Variants in TTC7B observed in about 807,000 individuals in gnomAD.
TTC7B encodes the protein tetratricopeptide repeat domain 7B, also known as tetratricopeptide repeat protein 7B.
TTC7B carries 28 observed loss-of-function variants against 106.8 expected under a neutral mutation model. The ratio of observed to expected loss-of-function variants is 0.26; its 90% confidence interval spans 0.19 to 0.36. TTC7B has a LOEUF of 0.36. Ranked by LOEUF, TTC7B falls within the 10% of genes least tolerant of loss-of-function variation. The pLI, the probability that TTC7B is intolerant of heterozygous loss-of-function variation, is 1.00. For synonymous variants in TTC7B, 405 were observed against 430.6 expected, an observed-to-expected ratio of 0.94 and a Z score of 0.74; for missense variants, 862 against 1,076.4, an observed-to-expected ratio of 0.80 and a Z score of 2.79.
At chr14:90,745,048 C>A in intron 3 of TTC7B, 126 bp from the exon 4 acceptor site, 1 of 914,374 alleles carries the variant, frequency 1.1e-6, no homozygotes, top group Non-Finnish European at 1.7e-6. Flanking sequence ...AGACAGTTTA[C>A]TTCCTCCTTT....
rs1047916480 is a variant in TTC7B at position 90,528,556 on chromosome 14, T to A, written c.*12812A>T. 4.6e-5 allele frequency: 7 copies of A among 152,826 alleles called. No individual in the cohort carries two copies. Among genetic ancestry groups the A allele is most frequent in the African/African-American group, 1.7e-4 (7 of 41,428 alleles). 9.5% of individuals were successfully genotyped at this position (152,826 alleles called of 1,614,324 possible). On this transcript the variant is annotated 3_prime_UTR_variant, in exon 20 of 20. Coordinates refer to ENST00000328459, the MANE Select transcript of TTC7B (RefSeq NM_001010854.2). ...ACCCGACTGCACTTTGTTACCTGTTTTGATGGTTGTTTCTGATGGCGTGAC... is the reference window on the plus strand; with the variant it reads ...ACCCGACTGCACTTTGTTACCTGTTATGATGGTTGTTTCTGATGGCGTGAC...
chr14:90,553,528 A>G (rs1208953340), intron 19 of TTC7B, among the ~76,000 whole-genome samples: 2 of 152,122 alleles, frequency 1.3e-5, no homozygotes, highest in Admixed American at 6.5e-5. Context: ...AGCCCACACC[A>G]TGAGAGGACA....
rs558519436 is a variant in TTC7B, at chr14:90,793,833, C to T, written c.122-7505G>A. ...ATGTTGGTCAGGCTGGTCTCGAACT[C>T]CCAACCTCAGGTGATCCGCCCGCCT... is the stretch of plus-strand genomic sequence containing the variant. On this transcript the variant is annotated intron_variant, in intron 1 of 19. Coordinates refer to ENST00000328459, the MANE Select transcript of TTC7B (RefSeq NM_001010854.2). Among the ~76,000 whole-genome samples the T allele has an allele frequency of 2.6e-5, 4 of 151,820 alleles. 1 individual carries two copies. In the East Asian group the frequency reaches 7.9e-4, roughly 30 times the overall value.
At chr14:90,786,079 T>G in intron 2 of TTC7B, 95 bp downstream of exon 2, 3 of 1,376,148 alleles carry the variant, frequency 2.2e-6, no homozygotes, top group Non-Finnish European at 2.9e-6. Context: ...AGTGTGCAGG[T>G]GAGCTCCAAA....
intron 19 of TTC7B, among the ~76,000 whole-genome samples, chr14:90,545,334 C>T (rs1889781976): frequency 6.6e-6 from 1 of 152,230 alleles, no homozygotes; most frequent in Admixed American, 6.5e-5. Flanking sequence ...CATGCTGTGT[C>T]TTCCCTTTCA....
intron 19 of TTC7B, among the ~76,000 whole-genome samples, chr14:90,559,438 C>T (rs1300015279): frequency 6.6e-6 from 1 of 152,180 alleles, no homozygotes; most frequent in Non-Finnish European, 1.5e-5. Flanking sequence ...ACTGGCGGGG[C>T]AGCTCTGGCT....
At chr14:90,546,519 G>C (rs1889837046) in intron 19 of TTC7B, among the ~76,000 whole-genome samples, 3 of 152,142 alleles carry the variant, frequency 2.0e-5, no homozygotes, top group Admixed American at 2.0e-4. Flanking sequence ...CCTCCCAGCT[G>C]CTGTCGGTCA....
intron 17 of TTC7B, among the ~76,000 whole-genome samples, chr14:90,599,759 C>G (rs1334944803): frequency 6.6e-6 from 1 of 152,186 alleles, no homozygotes; most frequent in East Asian, 1.9e-4. Context: ...TTCTGCTGTA[C>G]CTGTTTTCCC....
intron 18 of TTC7B, among the ~76,000 whole-genome samples, chr14:90,588,220 G>A (rs1437890534): frequency 6.6e-6 from 1 of 152,198 alleles, no homozygotes; most frequent in Non-Finnish European, 1.5e-5. Flanking sequence ...CTGGGCAAAG[G>A]CGCCAGGCCA....
intron 19 of TTC7B, among the ~76,000 whole-genome samples, chr14:90,576,024 C>T (rs1891249979): frequency 6.6e-6 from 1 of 152,076 alleles, no homozygotes; most frequent in Non-Finnish European, 1.5e-5. Context: ...CTGCTTGCTC[C>T]TTTCAGAAAG....
Position 90,589,677 on chromosome 14 carries a change from G to A in TTC7B, c.2107+3809C>T, listed in dbSNP as rs185258847. Among the ~76,000 whole-genome samples the A allele has an allele frequency of 2.5e-3, 381 of 152,228 alleles. 1 individual carries two copies. The highest frequency in any genetic ancestry group is 8.7e-3 in the African/African-American group (362 of 41,524). On this transcript the variant is annotated intron_variant, in intron 18 of 19. Coordinates refer to ENST00000328459, the MANE Select transcript of TTC7B (RefSeq NM_001010854.2). ...TGTAATGGCAAAATACTAGAGTGGG[G>A]GAGCTCAAACCACATAAGGTAAAAC...
intron 5 of TTC7B, among the ~76,000 whole-genome samples, chr14:90,712,388 A>C (rs529684441): frequency 6.6e-6 from 1 of 152,324 alleles, no homozygotes; most frequent in South Asian, 2.1e-4. Context: ...TATATGTAAA[A>C]ATCCTAAGCA....
chr14:90,744,173 C>T (rs1428069882), intron 4 of TTC7B, among the ~76,000 whole-genome samples: 3 of 152,220 alleles, frequency 2.0e-5, no homozygotes, highest in East Asian at 1.9e-4. Flanking sequence ...ACAAATGAAG[C>T]TCAACCCATT....
At chr14:90,668,840 T>C (rs1886519498) in intron 9 of TTC7B, among the ~76,000 whole-genome samples, 1 of 148,202 alleles carries the variant, frequency 6.7e-6, no homozygotes, top group African/African-American at 2.5e-5. Context: ...TTTTTTTTTT[T>C]TTTTTTTTTT....
rs1331481518 is a variant in TTC7B at position 90,531,191 on chromosome 14, C to G, written c.*10177G>C. 6.6e-6 allele frequency: 1 copy of G among 152,074 alleles called. No homozygotes were observed. The highest frequency in any genetic ancestry group is 1.5e-5 in the Non-Finnish European group (1 of 68,014). The allele number at this position is 152,074 out of a possible 1,614,324, so 9.4% of individuals were successfully genotyped here. A position where few individuals can be genotyped will look rare whatever the true frequency, so the allele number is the denominator to read the frequency against. On this transcript the variant is annotated 3_prime_UTR_variant, in exon 20 of 20. Coordinates refer to ENST00000328459, the MANE Select transcript of TTC7B (RefSeq NM_001010854.2). ...CTATATTTGTGGCAATTTGTTGTAG[C>G]AGCAACAGGCAGCTGATACAGTGGG...
intron 15 of TTC7B, among the ~76,000 whole-genome samples, chr14:90,639,230 T>C (rs1299240767): frequency 1.3e-5 from 2 of 152,204 alleles, no homozygotes; most frequent in East Asian, 3.8e-4. Flanking sequence ...TAAGAACTTC[T>C]GTTTATCAAA....
intron 5 of TTC7B, among the ~76,000 whole-genome samples, chr14:90,721,330 C>T (rs17126982): frequency 0.047 from 7,147 of 152,192 alleles, 365 homozygotes; most frequent in African/African-American, 0.13. Context: ...AAAGTAATTA[C>T]CTGTCTCCAC....
intron 3 of TTC7B, among the ~76,000 whole-genome samples, chr14:90,777,353 C>G (rs935100700): frequency 2.0e-5 from 3 of 152,144 alleles, no homozygotes; most frequent in African/African-American, 7.2e-5. Context: ...TCTGCATAAC[C>G]TCACCTCCTC....
chr14:90,667,344 A>T (rs190344093), intron 9 of TTC7B, among the ~76,000 whole-genome samples: 1 of 152,346 alleles, frequency 6.6e-6, no homozygotes, highest in African/African-American at 2.4e-5. Context: ...ACAACGACAT[A>T]GCAGAAAGGA....
Sources: gnomAD v4.1 joint callset for allele counts (sites outside exome capture counted in the v4.1 genomes callset) on GRCh38, gnomAD v4.1.1 for gene constraint, MANE v1.5 for transcripts, NCBI Gene and HGNC (gene_info 2026-07-23, HGNC 2026-07-21) for gene names.